Variants in OLFM2 observed in about 807,000 individuals in gnomAD.
The protein encoded by OLFM2 is noelin-2.
OLFM2 carries 20 observed loss-of-function variants against 43.9 expected under a neutral mutation model. The ratio of observed to expected loss-of-function variants is 0.46; its 90% confidence interval spans 0.32 to 0.66. OLFM2 has a LOEUF of 0.66. Among genes scored for constraint, OLFM2 ranks in the 30% least tolerant of loss-of-function variants. OLFM2 has a pLI of 0.04. For missense variants in OLFM2, 416 were observed against 643.6 expected (o/e 0.65, Z 3.83); for synonymous variants, 268 against 278.6 (o/e 0.96, Z 0.38).
At position 9,856,594 on chromosome 19, in the gene OLFM2, C is replaced by T. The variant is rs1015878337; in HGVS notation, c.687+213G>A. Among the ~76,000 whole-genome samples, 1 of 152,248 alleles carries T rather than the reference C, an allele frequency of 6.6e-6. No homozygotes were observed. Among genetic ancestry groups the T allele is most frequent in the Non-Finnish European group, 1.5e-5 (1 of 68,046 alleles). ...AACTCAGTAACCATTAGCCACTATA[C>T]AGACACTGGAGGTCAACAGAGTGGG... On this transcript the variant is annotated intron_variant, in intron 5 of 5. Coordinates refer to ENST00000264833, the MANE Select transcript of OLFM2 (RefSeq NM_058164.4). This position sits in a 1 kb window ranked among gnomAD's most constrained non-coding sequence, Gnocchi z 4.0.
At chr19:9,886,664 CCT>C (rs1310055378) in intron 1 of OLFM2, among the ~76,000 whole-genome samples, 4 of 152,144 alleles carry the variant, frequency 2.6e-5, no homozygotes, top group Admixed American at 6.6e-5. Context: ...ATGTGCAGCC[CCT>C]GTCATGCTCC....
intron 1 of OLFM2, among the ~76,000 whole-genome samples, chr19:9,923,029 G>A (rs1181499007): frequency 6.6e-6 from 1 of 152,132 alleles, no homozygotes; most frequent in African/African-American, 2.4e-5. Context: ...AAGAGTTGTT[G>A]ACTTTTTGGA....
At chr19:9,931,714 T>A (rs10419552) in intron 1 of OLFM2, among the ~76,000 whole-genome samples, 42,127 of 133,412 alleles carry the variant, frequency 0.32, 7,230 homozygotes, top group African/African-American at 0.51. Context: ...ATCTCAAAAA[T>A]AAAAAAAAAA....
intron 1 of OLFM2, among the ~76,000 whole-genome samples, chr19:9,872,413 G>T (rs1369073015): frequency 6.6e-6 from 1 of 152,118 alleles, no homozygotes; most frequent in Non-Finnish European, 1.5e-5. Flanking sequence ...TACTCAGAAG[G>T]CTGAGGTGGG....
intron 1 of OLFM2, among the ~76,000 whole-genome samples, chr19:9,932,191 GGC>G (rs2086486674): frequency 6.7e-6 from 1 of 149,908 alleles, no homozygotes; most frequent in Non-Finnish European, 1.5e-5. Context: ...CGGGCGTGGT[GGC>G]TCATGCCTAT....
Position 9,910,260 on chromosome 19 carries a change from A to T in OLFM2, c.63+26044T>A, listed in dbSNP as rs906417884. Among the ~76,000 whole-genome samples the T allele has an allele frequency of 1.3e-5, 2 of 152,168 alleles. 1 individual carries two copies. The highest frequency in any genetic ancestry group is 1.3e-4 in the Admixed American group (2 of 15,252). On this transcript the variant is annotated intron_variant, in intron 1 of 5. Coordinates refer to ENST00000264833, the MANE Select transcript of OLFM2 (RefSeq NM_058164.4). ...GGAAGTTGGGGCTTAGAGAAATTAA[A>T]TAATTTCCCCCAAAGTCACACAGCT...
chr19:9,924,683 T>A (rs935227314), intron 1 of OLFM2, among the ~76,000 whole-genome samples: 7 of 152,146 alleles, frequency 4.6e-5, no homozygotes, highest in African/African-American at 7.2e-5. Context: ...AAGCTTTTCA[T>A]ATTTTTGTGC....
At chr19:9,871,157 A>G (rs1003846149) in intron 1 of OLFM2, among the ~76,000 whole-genome samples, 2 of 151,876 alleles carry the variant, frequency 1.3e-5, no homozygotes, top group Non-Finnish European at 2.9e-5. Context: ...TGTAATCCCC[A>G]CTACTCAGGA....
intron 1 of OLFM2, among the ~76,000 whole-genome samples, chr19:9,906,519 A>G (rs533331093): frequency 2.6e-5 from 4 of 152,272 alleles, no homozygotes; most frequent in Non-Finnish European, 4.4e-5. Flanking sequence ...TGATCACGAC[A>G]GCAGCACTGA....
chr19:9,914,033 C>G (rs893898808), intron 1 of OLFM2, among the ~76,000 whole-genome samples: 1 of 149,704 alleles, frequency 6.7e-6, no homozygotes, highest in Non-Finnish European at 1.5e-5. Flanking sequence ...ATTCCCCAAG[C>G]GCCCCACCAC....
intron 1 of OLFM2, chr19:9,913,726 G>A: frequency 9.6e-7 from 1 of 1,036,820 alleles, no homozygotes. Context: ...GCGTGGGGGA[G>A]GGGGCACGAG....
chr19:9,860,848 C>T, intron 1 of OLFM2, 54 bp from the exon 2 acceptor site: 1 of 1,546,488 alleles, frequency 6.5e-7, no homozygotes, highest in African/African-American at 1.4e-5. Flanking sequence ...CTCGCCTCGC[C>T]CTCACTGGGA....
intron 1 of OLFM2, chr19:9,913,567 C>T (rs2046847018): frequency 7.9e-7 from 1 of 1,270,538 alleles, no homozygotes; most frequent in Non-Finnish European, 1.0e-6. Flanking sequence ...AGTTGGTGAC[C>T]ATGGCCATGG....
intron 1 of OLFM2, among the ~76,000 whole-genome samples, chr19:9,885,662 C>G (rs1310191182): frequency 6.6e-6 from 1 of 152,184 alleles, no homozygotes; most frequent in Non-Finnish European, 1.5e-5. Context: ...AAGCCCACTC[C>G]TCTTCTCATG....
intron 1 of OLFM2, among the ~76,000 whole-genome samples, chr19:9,894,387 A>ATAC (rs1426651255): frequency 1.1e-5 from 1 of 89,018 alleles, no homozygotes; most frequent in Non-Finnish European, 2.4e-5. Flanking sequence ...AATAATAATA[A>ATAC]TAATAATAAT....
intron 1 of OLFM2, among the ~76,000 whole-genome samples, chr19:9,889,567 C>A (rs1321650397): frequency 6.6e-6 from 1 of 152,128 alleles, no homozygotes; most frequent in Non-Finnish European, 1.5e-5. Context: ...GTGTTTTGTG[C>A]AGATGCAGTG....
rs191423658 is a variant in OLFM2 at position 9,893,797 on chromosome 19, G to A, written c.64-33003C>T. The stretch of plus-strand genomic sequence containing the variant: ...TGTAAAATTCATTAAAGCAGAGTTC[G>A]CAGGTCTATTTCAAGGATTATTACC... On this transcript the variant is annotated intron_variant, in intron 1 of 5. Coordinates refer to ENST00000264833, the MANE Select transcript of OLFM2 (RefSeq NM_058164.4). Among the ~76,000 whole-genome samples the A allele has an allele frequency of 3.8e-3, 584 of 152,222 alleles. 4 individuals carry two copies. Among genetic ancestry groups the A allele is most frequent in the Admixed American group, 0.017 (264 of 15,270 alleles).
intron 1 of OLFM2, among the ~76,000 whole-genome samples, chr19:9,882,961 G>C (rs2046552769): frequency 6.6e-6 from 1 of 151,794 alleles, no homozygotes; most frequent in African/African-American, 2.4e-5. Flanking sequence ...CACTTTGGGA[G>C]GCCAAGGTGG....
intron 1 of OLFM2, among the ~76,000 whole-genome samples, chr19:9,894,376 C>CATT (rs58964211): frequency 8.5e-6 from 1 of 118,298 alleles, no homozygotes; most frequent in Non-Finnish European, 1.7e-5. Context: ...GACTCTCTCT[C>CATT]AATAATAATA....
Sources: allele counts gnomAD v4.1 joint callset (sites outside exome capture counted in the v4.1 genomes callset), GRCh38; gene constraint gnomAD v4.1.1; non-coding constraint Gnocchi (gnomAD v3.1); transcripts MANE v1.5; gene names NCBI Gene and HGNC (gene_info 2026-07-23, HGNC 2026-07-21).